The following HIBADH variants were observed in gnomAD, a reference collection of about 807,000 sequenced individuals.
HIBADH encodes the protein 3-hydroxyisobutyrate dehydrogenase, mitochondrial.
In HIBADH, 25 loss-of-function variants were observed where a neutral mutation model predicts 36.1. The ratio of observed to expected loss-of-function variants is 0.69; its 90% confidence interval spans 0.50 to 0.97. The LOEUF is 0.97. Ranked by LOEUF, HIBADH falls within the 50% of genes least tolerant of loss-of-function variation. The pLI is 0.00. For synonymous variants in HIBADH, 160 were observed against 149.5 expected, an observed-to-expected ratio of 1.07 and a Z score of -0.51; for missense variants, 421 against 418.0, an observed-to-expected ratio of 1.01 and a Z score of -0.06.
intron 2 of HIBADH, among the ~76,000 whole-genome samples, chr7:27,646,252 A>G (rs1786068701): frequency 6.6e-6 from 1 of 152,218 alleles, no homozygotes; most frequent in Non-Finnish European, 1.5e-5. Context: ...CCAGCAATCT[A>G]GTTTATAAAT....
chr7:27,541,333 G>T (rs1253120867), intron 5 of HIBADH, among the ~76,000 whole-genome samples: 1 of 151,938 alleles, frequency 6.6e-6, no homozygotes, highest in Admixed American at 6.6e-5. Context: ...ACCATCCTTT[G>T]CTGGCATTAA....
At chr7:27,629,042 AAC>A (rs1785698692) in intron 4 of HIBADH, among the ~76,000 whole-genome samples, 1 of 152,020 alleles carries the variant, frequency 6.6e-6, no homozygotes, top group African/African-American at 2.4e-5. Flanking sequence ...CAATTTCTTT[AAC>A]AGTTACAGGA....
At chr7:27,641,563 T>A (rs796578158) in intron 2 of HIBADH, among the ~76,000 whole-genome samples, 7 of 152,346 alleles carry the variant, frequency 4.6e-5, no homozygotes, top group Admixed American at 2.0e-4. Flanking sequence ...CTTATGGTAA[T>A]AGAATGAAAT....
intron 4 of HIBADH, among the ~76,000 whole-genome samples, chr7:27,618,236 G>A (rs1021363102): frequency 2.6e-5 from 4 of 152,172 alleles, no homozygotes; most frequent in Admixed American, 2.0e-4. Flanking sequence ...CTACCTATCC[G>A]GGGCAGAGAG....
At chr7:27,627,157 G>A (rs1057007179) in intron 4 of HIBADH, among the ~76,000 whole-genome samples, 5 of 152,144 alleles carry the variant, frequency 3.3e-5, no homozygotes, top group African/African-American at 1.2e-4. Context: ...CTCCCCCATT[G>A]TTCCTATACA....
At chr7:27,538,477 G>A (rs371383042) in intron 5 of HIBADH, 60 bp from the exon 6 acceptor site, 91 of 1,429,308 alleles carry the variant, frequency 6.4e-5, no homozygotes, top group East Asian at 6.2e-4. Context: ...CTCACAGGAC[G>A]TTTTTCCTTG....
rs115053921 is a variant in HIBADH at position 27,561,593 on chromosome 7, C to T, written c.485-18493G>A. Among the ~76,000 whole-genome samples, 1,219 of 152,136 alleles carry T rather than the reference C, an allele frequency of 8.0e-3. 21 individuals are homozygous for T. The highest frequency in any genetic ancestry group is 0.028 in the African/African-American group (1,154 of 41,532). The stretch of plus-strand genomic sequence containing the variant: ...ATGTGTCTTGAGAAATACATTTCTT[C>T]AATTGCTGGATATGAGGTTCTACAT... On this transcript the variant is annotated intron_variant, in intron 4 of 7. Coordinates refer to ENST00000265395, the MANE Select transcript of HIBADH (RefSeq NM_152740.4).
In HIBADH at chr7:27,625,399, A is replaced by T. The variant is rs532047392; in HGVS notation, c.484+3972T>A. On this transcript the variant is annotated intron_variant, in intron 4 of 7. Coordinates refer to ENST00000265395, the MANE Select transcript of HIBADH (RefSeq NM_152740.4). ...AAAAAGCAAGTCACAGAATATGCTC[A>T]TTATGGAACATTTCTATAATGTTCC... is the stretch of plus-strand genomic sequence containing the variant. Among the ~76,000 whole-genome samples, 3 of 152,286 alleles carry T rather than the reference A, an allele frequency of 2.0e-5. No individual in the cohort carries two copies. The East Asian group carries it at 5.8e-4, about 29-fold the overall frequency.
intron 2 of HIBADH, among the ~76,000 whole-genome samples, chr7:27,645,099 G>C (rs1191924260): frequency 2.0e-5 from 3 of 152,266 alleles, no homozygotes; most frequent in East Asian, 3.9e-4. Flanking sequence ...TTTTCGTGAT[G>C]ATGAATAATG....
intron 4 of HIBADH, among the ~76,000 whole-genome samples, chr7:27,608,738 G>T (rs1785274540): frequency 6.6e-6 from 1 of 152,174 alleles, no homozygotes; most frequent in African/African-American, 2.4e-5. Context: ...ATAAGTAATA[G>T]CTTCAGATTT....
chr7:27,567,100 G>C (rs1274100093), intron 4 of HIBADH, among the ~76,000 whole-genome samples: 1 of 152,026 alleles, frequency 6.6e-6, no homozygotes, highest in Admixed American at 6.6e-5. Context: ...CTGTCTACTT[G>C]TCATATCCAT....
chr7:27,541,374 T>C (rs1784149240), intron 5 of HIBADH, among the ~76,000 whole-genome samples: 1 of 152,166 alleles, frequency 6.6e-6, no homozygotes, highest in African/African-American at 2.4e-5. Flanking sequence ...TCACTTTCTT[T>C]TTGCTTTAAG....
intron 4 of HIBADH, among the ~76,000 whole-genome samples, chr7:27,561,906 C>A (rs1784473600): frequency 6.6e-6 from 1 of 151,914 alleles, no homozygotes; most frequent in Non-Finnish European, 1.5e-5. Flanking sequence ...ATTAATTAAC[C>A]CATTTATTAG....
intron 4 of HIBADH, among the ~76,000 whole-genome samples, chr7:27,544,277 T>C (rs983441292): frequency 3.3e-5 from 5 of 152,228 alleles, no homozygotes; most frequent in East Asian, 1.9e-4. Flanking sequence ...TCAAATCAAA[T>C]AGCTTTCTAT....
chr7:27,610,269 A>G (rs894822420), intron 4 of HIBADH, among the ~76,000 whole-genome samples: 5 of 152,194 alleles, frequency 3.3e-5, no homozygotes, highest in African/African-American at 1.2e-4. Context: ...GCACATATTT[A>G]AAGTATACAA....
chr7:27,576,845 C>G (rs1452867865), intron 4 of HIBADH, among the ~76,000 whole-genome samples: 1 of 152,120 alleles, frequency 6.6e-6, no homozygotes, highest in Non-Finnish European at 1.5e-5. Context: ...TAATTAGAAA[C>G]TGACTTCACT....
intron 4 of HIBADH, among the ~76,000 whole-genome samples, chr7:27,625,776 T>A (rs1373914763): frequency 6.6e-6 from 1 of 152,010 alleles, no homozygotes; most frequent in Non-Finnish European, 1.5e-5. Context: ...TCATAGCCTA[T>A]AAATATAGCG....
intron 4 of HIBADH, among the ~76,000 whole-genome samples, chr7:27,571,236 T>C (rs1195400839): frequency 1.3e-5 from 2 of 152,148 alleles, no homozygotes; most frequent in East Asian, 3.9e-4. Context: ...TTTTATTTTT[T>C]TTTGAGACGG....
At chr7:27,638,131 C>CA in intron 2 of HIBADH, among the ~76,000 whole-genome samples, 1 of 151,768 alleles carries the variant, frequency 6.6e-6, no homozygotes, top group Non-Finnish European at 1.5e-5. Context: ...CACTCCTAAG[C>CA]AAAAAGAACA....
Sources: gnomAD v4.1 joint callset for allele counts (sites outside exome capture counted in the v4.1 genomes callset) on GRCh38, gnomAD v4.1.1 for gene constraint, MANE v1.5 for transcripts, NCBI Gene and HGNC (gene_info 2026-07-23, HGNC 2026-07-21) for gene names.